Variants in OR1J2 observed in about 807,000 individuals in gnomAD.
OR1J2 encodes the protein olfactory receptor 1J2.
For synonymous variants in OR1J2, 142 were observed against 99.7 expected (o/e 1.42, Z -2.52); for missense variants, 304 against 246.1 (o/e 1.24, Z -1.57).
chr9:122,566,189 G>A, the OR1J2 span, among the ~76,000 whole-genome samples: 3 of 152,216 alleles, frequency 2.0e-5, no homozygotes, highest in Admixed American at 6.5e-5. Flanking sequence ...AAGTAAACGT[G>A]CCAAAATCGT....
At chr9:122,489,667 G>C in the OR1J2 span, among the ~76,000 whole-genome samples, 1 of 152,188 alleles carries the variant, frequency 6.6e-6, no homozygotes, top group East Asian at 1.9e-4. Context: ...AAACAGTGCT[G>C]GATGAATGCC....
the OR1J2 span, among the ~76,000 whole-genome samples, chr9:122,451,909 C>T: frequency 5.3e-5 from 8 of 152,050 alleles, no homozygotes; most frequent in South Asian, 2.1e-4. Flanking sequence ...GACGGAGTCT[C>T]GCTCTGTCGC....
chr9:122,481,815 A>G, the OR1J2 span, among the ~76,000 whole-genome samples: 1 of 152,202 alleles, frequency 6.6e-6, no homozygotes, highest in African/African-American at 2.4e-5. Context: ...GCACATGCAG[A>G]ACAATGAAGC....
chr9:122,506,201 G>T (rs1828521701), upstream of OR1J2, among the ~76,000 whole-genome samples: 1 of 152,074 alleles, frequency 6.6e-6, no homozygotes, highest in Non-Finnish European at 1.5e-5. Flanking sequence ...TCCAAAGTGT[G>T]ATTAAGACTA....
At chr9:122,486,896 A>C in the OR1J2 span, among the ~76,000 whole-genome samples, 93 of 152,356 alleles carry the variant, frequency 6.1e-4, no homozygotes, top group African/African-American at 2.1e-3. Context: ...GGAATCTGTA[A>C]TTTCTTAAAA....
chr9:122,548,983 T>C, the OR1J2 span, among the ~76,000 whole-genome samples: 68 of 152,166 alleles, frequency 4.5e-4, no homozygotes, highest in African/African-American at 1.6e-3. Context: ...TTTAGTTCCA[T>C]TTGTCTATTT....
chr9:122,553,416 C>G, the OR1J2 span: 21 of 1,614,200 alleles, frequency 1.3e-5, no homozygotes, highest in Non-Finnish European at 1.8e-5. Context: ...TCTGGCCAAC[C>G]TGTCATTAAC....
the OR1J2 span, among the ~76,000 whole-genome samples, chr9:122,522,073 T>G: frequency 6.6e-6 from 1 of 152,154 alleles, no homozygotes; most frequent in African/African-American, 2.4e-5. Flanking sequence ...GAACTGAACA[T>G]CAATCACATT....
chr9:122,526,860 A>G, the OR1J2 span: 2 of 1,614,184 alleles, frequency 1.2e-6, no homozygotes, highest in Non-Finnish European at 1.7e-6. Flanking sequence ...GACCCAGCAC[A>G]ATGCAAGCAT....
the OR1J2 span, among the ~76,000 whole-genome samples, chr9:122,476,495 A>G: frequency 6.6e-6 from 1 of 152,236 alleles, no homozygotes; most frequent in East Asian, 1.9e-4. Flanking sequence ...AAAGTCCTAT[A>G]CAACATATCC....
chr9:122,560,063 T>A, the OR1J2 span, among the ~76,000 whole-genome samples: 61 of 152,296 alleles, frequency 4.0e-4, no homozygotes, highest in South Asian at 0.012. Context: ...TGTTGCATTG[T>A]TCCTTTTACC....
the OR1J2 span, among the ~76,000 whole-genome samples, chr9:122,451,965 G>T: frequency 6.6e-6 from 1 of 152,104 alleles, no homozygotes; most frequent in African/African-American, 2.4e-5. Flanking sequence ...TGCAAGCTCC[G>T]CCTCCCGGGT....
chr9:122,520,361 G>T, the OR1J2 span, among the ~76,000 whole-genome samples: 1 of 152,184 alleles, frequency 6.6e-6, no homozygotes. Context: ...CTTAGGAATT[G>T]TTTAAATATG....
At chr9:122,460,538 G>T in the OR1J2 span, among the ~76,000 whole-genome samples, 1 of 152,150 alleles carries the variant, frequency 6.6e-6, no homozygotes, top group African/African-American at 2.4e-5. Context: ...TTGAAGTCAG[G>T]TAATGTAATG....
At chr9:122,569,568 AT>A in the OR1J2 span, among the ~76,000 whole-genome samples, 1 of 152,132 alleles carries the variant, frequency 6.6e-6, no homozygotes, top group South Asian at 2.1e-4. Flanking sequence ...ATTTTCAAGC[AT>A]TTTTAGATAT....
At chr9:122,536,952 A>G in the OR1J2 span, among the ~76,000 whole-genome samples, 9 of 152,284 alleles carry the variant, frequency 5.9e-5, no homozygotes, top group African/African-American at 2.2e-4. Flanking sequence ...TGCTGTTTTC[A>G]TTACTATAAT....
chr9:122,454,107 A>G, the OR1J2 span, among the ~76,000 whole-genome samples: 1 of 152,216 alleles, frequency 6.6e-6, no homozygotes, highest in African/African-American at 2.4e-5. Context: ...CTTCGGTCCA[A>G]TCCTCCTTAT....
the OR1J2 span, among the ~76,000 whole-genome samples, chr9:122,521,639 GATAGAATCTTTATTGTTGGTTT>G: frequency 2.0e-5 from 3 of 152,180 alleles, no homozygotes; most frequent in Non-Finnish European, 4.4e-5. Flanking sequence ...CCTGAACAGG[GATAGAATCTTTATTGTTGGTTT>G]ATTGTTGGTC....
the OR1J2 span, among the ~76,000 whole-genome samples, chr9:122,532,848 A>G: frequency 6.6e-6 from 1 of 152,048 alleles, no homozygotes; most frequent in East Asian, 1.9e-4. Context: ...CTAGGAAGGA[A>G]AGGAGTTGTT....
Sources: allele counts gnomAD v4.1 joint callset (sites outside exome capture counted in the v4.1 genomes callset), GRCh38; gene constraint gnomAD v4.1.1; transcripts MANE v1.5; gene names NCBI Gene and HGNC (gene_info 2026-07-23, HGNC 2026-07-21).